CLCN3: variants seen among roughly 807,000 people sequenced by gnomAD.
CLCN3 encodes the protein Cl-/H+ antiporter 3, also known as H(+)/Cl(-) exchange transporter 3.
A neutral mutation model predicts 83.4 loss-of-function variants in CLCN3; 16 were observed. The ratio of observed to expected loss-of-function variants is 0.19; its 90% confidence interval spans 0.13 to 0.29. The LOEUF is 0.29. Ranked by LOEUF, CLCN3 falls within the 10% of genes least tolerant of loss-of-function variation. The pLI is 1.00. For synonymous variants in CLCN3, 322 were observed against 346.2 expected, an observed-to-expected ratio of 0.93 and a Z score of 0.78; for missense variants, 544 against 1,006.0, an observed-to-expected ratio of 0.54 and a Z score of 6.21.
chr4:169,702,585 A>T (rs1732830300), intron 9 of CLCN3, among the ~76,000 whole-genome samples: 1 of 152,034 alleles, frequency 6.6e-6, no homozygotes, highest in African/African-American at 2.4e-5. Flanking sequence ...TAATTTAAGG[A>T]TTACTTAAAA....
In CLCN3 at chr4:169,620,800, T is replaced by G; in HGVS notation, c.-280T>G. 2.5e-6 allele frequency: 1 copy of G among 398,632 alleles called. No individual in the cohort carries two copies. Among genetic ancestry groups the G allele is most frequent in the East Asian group, 3.6e-5 (1 of 28,072 alleles). The allele number at this position is 398,632 out of a possible 1,614,324, so 24.7% of individuals were successfully genotyped here. On this transcript the variant is annotated 5_prime_UTR_variant, in exon 1 of 13. Transcript: ENST00000513761. ...TAATTTTGGGCAGAAGCAGGTTGAC[T>G]CTAGGGATCTCCAGAGCGAGAGGAT...
intron 2 of CLCN3, among the ~76,000 whole-genome samples, chr4:169,671,982 C>T (rs1187570398): frequency 1.1e-4 from 17 of 151,918 alleles, no homozygotes; most frequent in African/African-American, 3.4e-4. Flanking sequence ...GAGGCCGAGG[C>T]GGGCAGATCA....
intron 2 of CLCN3, among the ~76,000 whole-genome samples, chr4:169,640,715 T>A (rs921459399): frequency 2.5e-4 from 38 of 152,182 alleles, no homozygotes; most frequent in African/African-American, 8.7e-4. Context: ...GAGAACCATA[T>A]GGCTCTTGAC....
intron 2 of CLCN3, among the ~76,000 whole-genome samples, chr4:169,676,866 T>C (rs187411886): frequency 1.3e-5 from 2 of 152,198 alleles, no homozygotes; most frequent in East Asian, 3.9e-4. Flanking sequence ...GTTTCTTCTT[T>C]CAGAAATAGG....
chr4:169,627,918 A>T (rs1231060956), intron 1 of CLCN3, among the ~76,000 whole-genome samples: 1 of 152,260 alleles, frequency 6.6e-6, no homozygotes, highest in Non-Finnish European at 1.5e-5. Flanking sequence ...TAGTTACAGT[A>T]ATCAAGACTG....
At chr4:169,686,955 A>G (rs1240974637) in intron 3 of CLCN3, among the ~76,000 whole-genome samples, 1 of 152,226 alleles carries the variant, frequency 6.6e-6, no homozygotes, top group Non-Finnish European at 1.5e-5. Flanking sequence ...GGACTCTACC[A>G]ATGGGATCGG....
At position 169,699,030 on chromosome 4, in the gene CLCN3, TCTC is replaced by T. The variant is rs201128886; in HGVS notation, c.1563+1299_1563+1301del. On this transcript the variant is annotated intron_variant, in intron 9 of 12. Coordinates refer to ENST00000513761, the MANE Select transcript of CLCN3 (RefSeq NM_001829.4). ...CCCACGCAGATAAATCAGAAAATAATCTCCTTTTTCAAGGTCAGTTGCTTCGAA... is the reference window on the plus strand; with the variant it reads ...CCCACGCAGATAAATCAGAAAATAATCTTTTTCAAGGTCAGTTGCTTCGAA... 8.6e-3 allele frequency among the ~76,000 whole-genome samples: 1,311 copies of T among 152,316 alleles called. 11 individuals are homozygous for T. The highest frequency in any genetic ancestry group is 0.014 in the Non-Finnish European group (979 of 68,030).
intron 6 of CLCN3, among the ~76,000 whole-genome samples, chr4:169,691,749 A>G (rs1732381955): frequency 2.6e-5 from 4 of 152,178 alleles, no homozygotes; most frequent in Admixed American, 2.6e-4. Flanking sequence ...TAATGTCCAA[A>G]ATATATTTAA....
chr4:169,648,564 A>G (rs1425019069), intron 2 of CLCN3, among the ~76,000 whole-genome samples: 1 of 152,202 alleles, frequency 6.6e-6, no homozygotes, highest in Admixed American at 6.5e-5. Context: ...TCAGCAAATA[A>G]TTATTAGACT....
At position 169,680,036 on chromosome 4, in the gene CLCN3, T is replaced by C. The variant is rs1731873675; in HGVS notation, c.161-14T>C. 1 of 1,603,866 alleles carries C rather than the reference T, an allele frequency of 6.2e-7. No individual in the cohort carries two copies. The highest frequency in any genetic ancestry group is 8.5e-7 in the Non-Finnish European group (1 of 1,171,804). On this transcript the variant is annotated splice_polypyrimidine_tract_variant and intron_variant, in intron 2 of 12. Coordinates refer to ENST00000513761, the MANE Select transcript of CLCN3 (RefSeq NM_001829.4). ...CTTCTAAAACATACTCATCTTTCCT[T>C]TTCTCTTCTGTAGGAACTCATTATA...
At chr4:169,636,436 C>G (rs1773504651) in intron 2 of CLCN3, among the ~76,000 whole-genome samples, 1 of 152,158 alleles carries the variant, frequency 6.6e-6, no homozygotes, top group Non-Finnish European at 1.5e-5. Context: ...TATTATATAA[C>G]TACTCCTCAA....
chr4:169,691,565 A>G (rs931620013), intron 6 of CLCN3, among the ~76,000 whole-genome samples: 9 of 152,140 alleles, frequency 5.9e-5, no homozygotes, highest in African/African-American at 2.2e-4. Flanking sequence ...CTTTTTCCTA[A>G]TACATTTCTT....
chr4:169,668,106 A>G (rs1290846772), intron 2 of CLCN3, among the ~76,000 whole-genome samples: 1 of 131,478 alleles, frequency 7.6e-6, no homozygotes, highest in Non-Finnish European at 1.6e-5. Context: ...GTTAAGCGAT[A>G]TTATAACTTA....
chr4:169,628,167 T>C (rs996066828), intron 1 of CLCN3, among the ~76,000 whole-genome samples: 1 of 152,142 alleles, frequency 6.6e-6, no homozygotes, highest in Non-Finnish European at 1.5e-5. Flanking sequence ...CAAATTAAAA[T>C]GGATCACAGA....
At chr4:169,670,657 C>T (rs542069823) in intron 2 of CLCN3, among the ~76,000 whole-genome samples, 1 of 152,206 alleles carries the variant, frequency 6.6e-6, no homozygotes, top group East Asian at 1.9e-4. Context: ...TGAGGAAAGT[C>T]AATGGTAGCT....
At chr4:169,692,403 A>G in intron 7 of CLCN3, 83 bp downstream of exon 7, 1 of 608,472 alleles carries the variant, frequency 1.6e-6, no homozygotes, top group Non-Finnish European at 2.5e-6. Flanking sequence ...TAGTGTAAAA[A>G]TAATAAATTC....
intron 2 of CLCN3, among the ~76,000 whole-genome samples, chr4:169,666,402 G>T (rs1263224881): frequency 2.6e-5 from 4 of 152,218 alleles, no homozygotes; most frequent in African/African-American, 7.2e-5. Context: ...GGGAACAACT[G>T]AGGGTAAGAA....
In CLCN3 at chr4:169,620,958, T is replaced by G; in HGVS notation, c.-122T>G. On this transcript the variant is annotated 5_prime_UTR_variant, in exon 1 of 13. Transcript: ENST00000513761. ...TAGTTTTCGCTGTGTCAGGCTTTCT[T>G]CGGTGGAGCTCCGAGGGTAGCTAGG... 2.5e-6 allele frequency: 1 copy of G among 398,482 alleles called. No individual in the cohort carries two copies. The highest frequency in any genetic ancestry group is 3.6e-5 in the East Asian group (1 of 28,070). The allele number at this position is 398,482 out of a possible 1,614,324, so 24.7% of individuals were successfully genotyped here.
chr4:169,690,137 C>CTTTTT (rs397769904), intron 5 of CLCN3, among the ~76,000 whole-genome samples: 2,647 of 109,802 alleles, frequency 0.024, 8 homozygotes, highest in Non-Finnish European at 0.029. Context: ...TCTTTTCTTT[C>CTTTTT]TTTTTTTTTT....
Sources: gnomAD v4.1 joint callset for allele counts (sites outside exome capture counted in the v4.1 genomes callset) on GRCh38, gnomAD v4.1.1 for gene constraint, MANE v1.5 for transcripts, NCBI Gene and HGNC (gene_info 2026-07-23, HGNC 2026-07-21) for gene names.